The following KCNAB2 variants were observed in gnomAD, a reference collection of about 807,000 sequenced individuals.
The protein encoded by KCNAB2 is potassium voltage-gated channel subfamily A regulatory beta subunit 2, also known as voltage-gated potassium channel subunit beta-2.
KCNAB2 carries 29 observed loss-of-function variants against 63.6 expected under a neutral mutation model. That is an observed-to-expected ratio of 0.46 (90% confidence interval 0.34 to 0.62). KCNAB2 has a LOEUF of 0.62. Ranked by LOEUF, KCNAB2 falls within the 20% of genes least tolerant of loss-of-function variation. KCNAB2 has a pLI of 0.01. For synonymous variants in KCNAB2, 222 were observed against 224.2 expected (o/e 0.99, Z 0.09); for missense variants, 359 against 563.9 (o/e 0.64, Z 3.68).
intron 2 of KCNAB2, among the ~76,000 whole-genome samples, chr1:6,070,140 A>T (rs1663076183): frequency 6.6e-6 from 1 of 152,182 alleles, no homozygotes; most frequent in Non-Finnish European, 1.5e-5. Flanking sequence ...ATGCCCAGAC[A>T]TATCTAGACC....
At chr1:6,089,469 A>AGCAAGGCACCGGG (rs1553132504) in intron 8 of KCNAB2, among the ~76,000 whole-genome samples, 2 of 152,310 alleles carry the variant, frequency 1.3e-5, no homozygotes, top group East Asian at 3.9e-4. Context: ...CAGGCACCGG[A>AGCAAGGCACCGGG]GCAAGGCACC....
At chr1:6,034,485 A>G (rs1435139441) in exon 1 of KCNAB2, 1 of 152,316 alleles carries the variant, frequency 6.6e-6, no homozygotes, top group Admixed American at 6.5e-5. Context: ...GACTGCTGGC[A>G]CAGATACAGC....
In KCNAB2 at chr1:6,085,324, T is replaced by C. The variant is rs1287170206; in HGVS notation, c.425+76T>C. The C allele has an allele frequency of 3.1e-6, 4 of 1,282,496 alleles. No individual in the cohort carries two copies. In the African/African-American group the frequency reaches 5.8e-5, roughly 19 times the overall value. 79.4% of individuals were successfully genotyped at this position (1,282,496 alleles called of 1,614,324 possible). On this transcript the variant is annotated intron_variant, in intron 6 of 15. Coordinates refer to ENST00000378083, the MANE Select transcript of KCNAB2 (RefSeq NM_001199862.2). ...TATCCCAGGGTCAGCCTCGTCGGCC[T>C]GTCGTGCAGTGTCGTAAGGCCCGCA...
rs562770222 is a variant in KCNAB2 at position 6,048,551 on chromosome 1, G to A, written c.-27+2368G>A. Among the ~76,000 whole-genome samples the A allele has an allele frequency of 2.6e-5, 4 of 152,354 alleles. No homozygotes were observed. In the East Asian group the frequency reaches 5.8e-4, roughly 22 times the overall value. On this transcript the variant is annotated intron_variant, in intron 1 of 15. Coordinates refer to ENST00000378083, the MANE Select transcript of KCNAB2 (RefSeq NM_001199862.2). ...CTCAGCCACCCCGTCCTCCAGCCCC[G>A]GGGCCTTGGCTATATTTCTAGAGCC...
At chr1:6,081,310 C>T (rs955705788) in intron 4 of KCNAB2, among the ~76,000 whole-genome samples, 2 of 152,370 alleles carry the variant, frequency 1.3e-5, no homozygotes, top group Non-Finnish European at 2.9e-5. Flanking sequence ...ACCCACCATG[C>T]ACCAGCTGTG....
At position 6,098,562 on chromosome 1, in the gene KCNAB2, C is replaced by T. The variant is rs375610120; in HGVS notation, c.1236C>T (p.Asp412=). 1.2e-6 allele frequency: 2 copies of T among 1,613,870 alleles called. No homozygotes were observed. Among genetic ancestry groups the T allele is most frequent in the Non-Finnish European group, 1.7e-6 (2 of 1,180,008 alleles). The change falls in exon 16 of 16, where the codon GAC becomes GAT. Residue 412 remains aspartate, a synonymous_variant. Transcript: ENST00000378083. The stretch of plus-strand genomic sequence containing the variant: ...GCAATAAACCCTACAGCAAAAAGGA[C>T]TACAGATCCTAAGCCGCCCCCGCCC... ...ILGNKPYSKK[D]YRS
chr1:6,019,666 C>T (rs2100321983), intron 1 of KCNAB2, among the ~76,000 whole-genome samples: 1 of 152,348 alleles, frequency 6.6e-6, no homozygotes. Context: ...AGCACCAACC[C>T]GAGGCTGGCC....
chr1:6,029,684 G>T (rs1659454020), upstream of KCNAB2, among the ~76,000 whole-genome samples: 1 of 152,206 alleles, frequency 6.6e-6, no homozygotes, highest in South Asian at 2.1e-4. Context: ...TTTACAGATG[G>T]AGAAACTGAC....
rs1663897470 is a variant in KCNAB2, at chr1:6,078,542, A to G, written c.301-3653A>G. The stretch of plus-strand genomic sequence containing the variant: ...AAGAGCCTTCGGGGGCCAAGGGGAC[A>G]ACCAAGGCACAGCCCTAAGGCCGAG... On this transcript the variant is annotated intron_variant, in intron 4 of 15. Transcript: ENST00000378083. This position sits in a 1 kb window ranked among gnomAD's most constrained non-coding sequence, Gnocchi z 4.2. Among the ~76,000 whole-genome samples the G allele has an allele frequency of 6.6e-6, 1 of 152,192 alleles. No individual in the cohort carries two copies.
chr1:6,038,099 G>A (rs888816025), intron 1 of KCNAB2, among the ~76,000 whole-genome samples: 7 of 150,558 alleles, frequency 4.6e-5, no homozygotes, highest in African/African-American at 9.8e-5. Context: ...GGATGGTCTC[G>A]ATCTCCTGAC....
intron 1 of KCNAB2, among the ~76,000 whole-genome samples, chr1:6,015,016 C>CTTTTTTTTTT (rs34742623): frequency 3.1e-4 from 26 of 82,810 alleles, no homozygotes; most frequent in East Asian, 7.4e-4. Flanking sequence ...GGTCACCTTC[C>CTTTTTTTTTT]TTTTTTTTTT....
intron 8 of KCNAB2, among the ~76,000 whole-genome samples, chr1:6,089,340 C>A (rs7517610): frequency 0.017 from 2,592 of 152,310 alleles, 79 homozygotes; most frequent in African/African-American, 0.06. Context: ...GGCACCCTGC[C>A]CCATGCCTCT....
intron 11 of KCNAB2, 92 bp from the exon 12 acceptor site, chr1:6,095,231 G>T (rs115403032): frequency 7.3e-6 from 10 of 1,375,176 alleles, no homozygotes; most frequent in South Asian, 2.6e-5. Flanking sequence ...AGCCTGCTCC[G>T]GGGACACCTT....
At chr1:6,059,951 G>A (rs1662165865) in intron 2 of KCNAB2, among the ~76,000 whole-genome samples, 1 of 152,174 alleles carries the variant, frequency 6.6e-6, no homozygotes, top group Admixed American at 6.5e-5. Context: ...CACAGAATGG[G>A]CCCCGCCAGT....
intron 1 of KCNAB2, among the ~76,000 whole-genome samples, chr1:6,009,735 G>A (rs1344491897): frequency 1.3e-5 from 2 of 152,176 alleles, no homozygotes; most frequent in African/African-American, 2.4e-5. Context: ...GAGGCCCTGC[G>A]GTTTCTATCG....
At chr1:6,014,517 G>T (rs1450260597) in intron 1 of KCNAB2, among the ~76,000 whole-genome samples, 1 of 152,228 alleles carries the variant, frequency 6.6e-6, no homozygotes, top group African/African-American at 2.4e-5. Flanking sequence ...AAATAAATGA[G>T]GCAAAAGAGT....
At chr1:6,009,968 T>C (rs1440116753) in intron 1 of KCNAB2, among the ~76,000 whole-genome samples, 13 of 151,528 alleles carry the variant, frequency 8.6e-5, no homozygotes, top group Admixed American at 7.9e-4. Flanking sequence ...ACTCCCAGGC[T>C]CAGGCGATTC....
rs139802586 is a variant in KCNAB2, at chr1:6,037,646, C to T, written c.-53+2852C>T. Reference sequence around the variant, plus strand: ...CACAGCATCTTTAGGAGTTTAACGACAGTTTTTTAACGACTTTAGTGAGAT... The same window carrying T: ...CACAGCATCTTTAGGAGTTTAACGATAGTTTTTTAACGACTTTAGTGAGAT... On this transcript the variant is annotated intron_variant, in intron 1 of 15. Coordinates refer to the KCNAB2 transcript ENST00000164247. Among the ~76,000 whole-genome samples the T allele has an allele frequency of 2.7e-3, 412 of 152,288 alleles. 2 individuals carry two copies. Among genetic ancestry groups the T allele is most frequent in the African/African-American group, 9.3e-3 (388 of 41,558 alleles).
chr1:6,017,036 G>A (rs548389668), intron 1 of KCNAB2, among the ~76,000 whole-genome samples: 12 of 152,280 alleles, frequency 7.9e-5, no homozygotes, highest in Admixed American at 3.3e-4. Context: ...GTGACCAGGA[G>A]TATGCATGGA....
Sources: allele counts gnomAD v4.1 joint callset (sites outside exome capture counted in the v4.1 genomes callset), GRCh38; gene constraint gnomAD v4.1.1; non-coding constraint Gnocchi (gnomAD v3.1); transcripts MANE v1.5; gene names NCBI Gene and HGNC (gene_info 2026-07-23, HGNC 2026-07-21).